Variants in TSPAN18 observed in about 807,000 individuals in gnomAD.
TSPAN18 encodes the protein tetraspanin 18.
TSPAN18 carries 14 observed loss-of-function variants against 27.3 expected under a neutral mutation model. That is an observed-to-expected ratio of 0.51 (90% CI 0.34 to 0.80). The LOEUF is 0.80. Among genes scored for constraint, TSPAN18 ranks in the 30% least tolerant of loss-of-function variants. The pLI, the probability that TSPAN18 is intolerant of heterozygous loss-of-function variation, is 0.01. For missense variants in TSPAN18, 268 were observed against 323.9 expected, an observed-to-expected ratio of 0.83 and a Z score of 1.32; for synonymous variants, 143 against 136.5, an observed-to-expected ratio of 1.05 and a Z score of -0.33.
At chr11:44,769,130 C>T (rs974050182) in intron 2 of TSPAN18, among the ~76,000 whole-genome samples, 2 of 152,030 alleles carry the variant, frequency 1.3e-5, no homozygotes, top group African/African-American at 4.8e-5. Flanking sequence ...CTCCTGACCT[C>T]GTGATCCACC....
At chr11:44,855,332 G>A (rs1045725338) in intron 2 of TSPAN18, among the ~76,000 whole-genome samples, 4 of 152,098 alleles carry the variant, frequency 2.6e-5, no homozygotes, top group Non-Finnish European at 5.9e-5. Context: ...TGTGATTTGA[G>A]GCCTAGCACA....
At position 44,734,812 on chromosome 11, in the gene TSPAN18, T is replaced by C. The variant is rs1320770257; in HGVS notation, c.-240+7525T>C. ...CACCCTGTGTTGCTGCCTCTCCTTCTGGGGGGACAGATTGCAGCGTGCTCT... is the reference window on the plus strand; with the variant it reads ...CACCCTGTGTTGCTGCCTCTCCTTCCGGGGGGACAGATTGCAGCGTGCTCT... On this transcript the variant is annotated intron_variant, in intron 1 of 9. Transcript: ENST00000520358. Among the ~76,000 whole-genome samples, 3 of 152,306 alleles carry C rather than the reference T, an allele frequency of 2.0e-5. No individual in the cohort carries two copies. The South Asian group carries it at 6.2e-4, about 32-fold the overall frequency.
intron 3 of TSPAN18, among the ~76,000 whole-genome samples, chr11:44,904,238 A>C (rs1859373712): frequency 6.6e-6 from 1 of 152,278 alleles, no homozygotes; most frequent in Non-Finnish European, 1.5e-5. Context: ...GTGGGCTCTG[A>C]GTGTCTTCCC....
In TSPAN18 at chr11:44,929,155, T is replaced by C. The variant is rs757230277; in HGVS notation, c.724T>C (p.Cys242Arg). The change falls in exon 10 of 10, where the codon TGC becomes CGC. Residue 242 changes from cysteine to arginine, a missense_variant. Transcript: ENST00000520358. ...IELFAMIFAM[C>R]LFRGIQ ...GCTTTTCGCCATGATCTTTGCCATGTGCCTCTTCCGGGGCATCCAGTAGAG... is the reference window on the plus strand; with the variant it reads ...GCTTTTCGCCATGATCTTTGCCATGCGCCTCTTCCGGGGCATCCAGTAGAG... 1 of 1,613,698 alleles carries C rather than the reference T, an allele frequency of 6.2e-7. No homozygotes were observed. Among genetic ancestry groups the C allele is most frequent in the Non-Finnish European group, 8.5e-7 (1 of 1,180,032 alleles).
At chr11:44,906,744 G>A (rs1488943094) in intron 4 of TSPAN18, among the ~76,000 whole-genome samples, 3 of 152,166 alleles carry the variant, frequency 2.0e-5, no homozygotes, top group South Asian at 4.1e-4. Flanking sequence ...ACCTAGGTCC[G>A]GCCACTGTCT....
chr11:44,806,605 A>T (rs2135084550), intron 2 of TSPAN18, among the ~76,000 whole-genome samples: 1 of 152,276 alleles, frequency 6.6e-6, no homozygotes, highest in Non-Finnish European at 1.5e-5. Flanking sequence ...GTATGATACA[A>T]CCTCAAACTT....
intron 2 of TSPAN18, among the ~76,000 whole-genome samples, chr11:44,857,513 C>A (rs764834947): frequency 1.3e-5 from 2 of 152,376 alleles, no homozygotes; most frequent in South Asian, 2.1e-4. Flanking sequence ...AGGATGTATT[C>A]CCCTGGTTGG....
At chr11:44,825,128 C>G (rs180884802) in intron 2 of TSPAN18, among the ~76,000 whole-genome samples, 222 of 146,382 alleles carry the variant, frequency 1.5e-3, no homozygotes, top group Middle Eastern at 3.5e-3. Flanking sequence ...GGGAGGAGTT[C>G]TGACCTGAGT....
chr11:44,929,388 T>C lies in TSPAN18; in HGVS notation c.*210T>C, dbSNP rs1380652331. Reference sequence around the variant, plus strand: ...TGGACTGATGTATCCTCGCCTGGACTCAGGGCAGGTGCCGTGGGTTCTCCA... The same window carrying C: ...TGGACTGATGTATCCTCGCCTGGACCCAGGGCAGGTGCCGTGGGTTCTCCA... On this transcript the variant is annotated 3_prime_UTR_variant, in exon 10 of 10. Coordinates refer to ENST00000520358, the MANE Select transcript of TSPAN18 (RefSeq NM_130783.5). 3 of 631,478 alleles carry C rather than the reference T, an allele frequency of 4.8e-6. No individual in the cohort carries two copies. The highest frequency in any genetic ancestry group is 1.8e-5 in the African/African-American group (1 of 54,182). The allele number at this position is 631,478 out of a possible 1,614,324, so 39.1% of individuals were successfully genotyped here.
chr11:44,910,147 G>A (rs1340826847), intron 5 of TSPAN18, among the ~76,000 whole-genome samples: 1 of 152,242 alleles, frequency 6.6e-6, no homozygotes, highest in Non-Finnish European at 1.5e-5. Context: ...CAGAGGGGAT[G>A]ATACAGACGC....
intron 2 of TSPAN18, among the ~76,000 whole-genome samples, chr11:44,786,193 G>GT (rs1198929278): frequency 6.6e-6 from 1 of 152,258 alleles, no homozygotes; most frequent in African/African-American, 2.4e-5. Flanking sequence ...TCCTGATGCT[G>GT]TGCCCAGTAG....
rs1860590792 is a variant in TSPAN18, at chr11:44,932,060, C to T, written c.*2882C>T. ...CCCTCCCCAGGGTCCCTGTTAATTT[C>T]TGGCCTTGGTGCTCAGGCCTGTCCA... On this transcript the variant is annotated 3_prime_UTR_variant, in exon 10 of 10. Transcript: ENST00000520358. 6.6e-6 allele frequency: 1 copy of T among 152,192 alleles called. No homozygotes were observed. Among genetic ancestry groups the T allele is most frequent in the South Asian group, 2.1e-4 (1 of 4,832 alleles). 9.4% of individuals were successfully genotyped at this position (152,192 alleles called of 1,614,324 possible). A position where few individuals can be genotyped will look rare whatever the true frequency, so the allele number is the denominator to read the frequency against.
chr11:44,868,681 C>T (rs571660841), intron 3 of TSPAN18, among the ~76,000 whole-genome samples: 232 of 152,308 alleles, frequency 1.5e-3, no homozygotes, highest in Middle Eastern at 6.8e-3. Context: ...ACAGTGAGTC[C>T]AGCCACTGGC....
In TSPAN18 at chr11:44,919,210, C is replaced by A; in HGVS notation, c.334-4C>A. 6.2e-7 allele frequency: 1 copy of A among 1,613,790 alleles called. No homozygotes were observed. Among genetic ancestry groups the A allele is most frequent in the Non-Finnish European group, 8.5e-7 (1 of 1,179,748 alleles). Reference sequence around the variant, plus strand: ...CTAAGCCCATCTTCTCCCTCTGCCCCCAGCTCACCCGAGAATTCTTCACCA... The same window carrying A: ...CTAAGCCCATCTTCTCCCTCTGCCCACAGCTCACCCGAGAATTCTTCACCA... On this transcript the variant is annotated splice_polypyrimidine_tract_variant and splice_region_variant and intron_variant, in intron 6 of 9. Coordinates refer to ENST00000520358, the MANE Select transcript of TSPAN18 (RefSeq NM_130783.5).
chr11:44,775,946 G>C (rs952126441), intron 2 of TSPAN18, among the ~76,000 whole-genome samples: 8 of 152,184 alleles, frequency 5.3e-5, no homozygotes, highest in African/African-American at 1.9e-4. Context: ...TAGAAAACTC[G>C]TTTTGATTCA....
At chr11:44,775,416 T>G (rs1855782489) in intron 2 of TSPAN18, among the ~76,000 whole-genome samples, 1 of 152,218 alleles carries the variant, frequency 6.6e-6, no homozygotes, top group Non-Finnish European at 1.5e-5. Context: ...CCCCATTTGT[T>G]GGGAACACTC....
intron 3 of TSPAN18, among the ~76,000 whole-genome samples, chr11:44,889,676 G>A (rs192784968): frequency 2.1e-4 from 32 of 152,360 alleles, no homozygotes; most frequent in Non-Finnish European, 1.2e-4. Context: ...TTGACTGGCA[G>A]TTGGGCCATT....
intron 3 of TSPAN18, among the ~76,000 whole-genome samples, chr11:44,900,137 G>T (rs1360221711): frequency 6.6e-6 from 1 of 152,232 alleles, no homozygotes; most frequent in Non-Finnish European, 1.5e-5. Context: ...GGGATTGGAG[G>T]TCCCATGTGT....
intron 3 of TSPAN18, chr11:44,886,670 G>A (rs1456349091): frequency 3.9e-5 from 6 of 152,350 alleles, no homozygotes; most frequent in South Asian, 2.1e-4. Flanking sequence ...AGGAGGAGAC[G>A]TGGGAATAAG....
Sources: allele counts gnomAD v4.1 joint callset (sites outside exome capture counted in the v4.1 genomes callset), GRCh38; gene constraint gnomAD v4.1.1; transcripts MANE v1.5; gene names NCBI Gene and HGNC (gene_info 2026-07-23, HGNC 2026-07-21).